The following N4BP2L2 variants were observed in gnomAD, a reference collection of about 807,000 sequenced individuals.
N4BP2L2 encodes NEDD4 binding protein 2 like 2, also known as NEDD4-binding protein 2-like 2.
Under a neutral mutation model 56.2 loss-of-function variants are expected in N4BP2L2, and 50 were observed. The ratio of observed to expected loss-of-function variants is 0.89; its 90% CI spans 0.71 to 1.13. The LOEUF (loss-of-function observed/expected upper bound fraction) is 1.13. Ranked by LOEUF, N4BP2L2 falls within the 50% of genes most tolerant of loss-of-function variation. The pLI is 0.00. For synonymous variants in N4BP2L2, 203 were observed against 223.6 expected (o/e 0.91, Z 0.82); for missense variants, 689 against 693.8 (o/e 0.99, Z 0.08).
intron 2 of N4BP2L2, among the ~76,000 whole-genome samples, chr13:32,530,707 T>C (rs867350157): frequency 5.3e-5 from 8 of 152,146 alleles, no homozygotes; most frequent in Non-Finnish European, 1.0e-4. Context: ...GCAAGTTAGA[T>C]GGTAGTGGGA....
chr13:32,523,992 T>C (rs2051877365), intron 3 of N4BP2L2: 1 of 152,180 alleles, frequency 6.6e-6, no homozygotes, highest in Admixed American at 6.6e-5. Context: ...TGCAAAGATG[T>C]GGAAATTTTC....
intron 6 of N4BP2L2, among the ~76,000 whole-genome samples, chr13:32,462,861 T>TAAAAAAAAAAAAAAAAAA (rs569068082): frequency 2.0e-5 from 1 of 51,092 alleles, no homozygotes; most frequent in African/African-American, 6.1e-5. Context: ...CTGTCTTTAC[T>TAAAAAAAAAAAAAAAAAA]AAAAAAAAAA....
At chr13:32,521,276 G>C in intron 5 of N4BP2L2, 97 bp downstream of exon 5, 1 of 984,422 alleles carries the variant, frequency 1.0e-6, no homozygotes, top group Non-Finnish European at 1.5e-6. Flanking sequence ...TCAGTTTCCT[G>C]AACCTACATT....
intron 6 of N4BP2L2, among the ~76,000 whole-genome samples, chr13:32,487,009 A>G (rs2086032559): frequency 1.3e-5 from 2 of 151,994 alleles, no homozygotes; most frequent in Admixed American, 1.3e-4. Context: ...AAAAACAAGT[A>G]AATAAATAAA....
chr13:32,518,662 AAG>A (rs1450405028), intron 5 of N4BP2L2, among the ~76,000 whole-genome samples: 1 of 152,192 alleles, frequency 6.6e-6, no homozygotes, highest in Non-Finnish European at 1.5e-5. Flanking sequence ...ACTTTAAAAA[AAG>A]AGATTATGAT....
intron 6 of N4BP2L2, among the ~76,000 whole-genome samples, chr13:32,485,604 T>A (rs1409865441): frequency 6.6e-6 from 1 of 152,182 alleles, no homozygotes; most frequent in African/African-American, 2.4e-5. Context: ...AAATGTGATG[T>A]TATCTCAGGA....
intron 6 of N4BP2L2, among the ~76,000 whole-genome samples, chr13:32,496,419 C>T (rs1409488987): frequency 4.6e-5 from 7 of 152,166 alleles, no homozygotes; most frequent in Non-Finnish European, 2.9e-5. Context: ...GACTTGGTTT[C>T]AAATACATAA....
exon 1 of N4BP2L2, chr13:32,538,744 G>C (rs947353199): frequency 2.2e-5 from 22 of 985,434 alleles, no homozygotes; most frequent in Non-Finnish European, 2.7e-5. Context: ...GGGACTAAAA[G>C]CCCACCTCTC....
chr13:32,470,066 T>C (rs562220475), intron 6 of N4BP2L2, among the ~76,000 whole-genome samples: 3 of 152,284 alleles, frequency 2.0e-5, no homozygotes, highest in African/African-American at 7.2e-5. Flanking sequence ...GACCTGTATC[T>C]TTGCACCTTG....
At chr13:32,489,322 T>G (rs2139300036) in intron 6 of N4BP2L2, among the ~76,000 whole-genome samples, 1 of 152,350 alleles carries the variant, frequency 6.6e-6, no homozygotes, top group East Asian at 1.9e-4. Context: ...TTTGACATAA[T>G]AGTGCTTTAA....
intron 4 of N4BP2L2, chr13:32,521,967 C>T: frequency 2.1e-6 from 1 of 469,240 alleles, no homozygotes; most frequent in Admixed American, 4.3e-5. Context: ...CAGAGCGAGA[C>T]TCCGTCTCAA....
chr13:32,472,690 G>T (rs1330732418), intron 6 of N4BP2L2, among the ~76,000 whole-genome samples: 1 of 152,202 alleles, frequency 6.6e-6, no homozygotes, highest in Non-Finnish European at 1.5e-5. Context: ...ACACCCGTGA[G>T]ATGAAGCTAG....
At chr13:32,531,830 G>C (rs919737849) in intron 2 of N4BP2L2, among the ~76,000 whole-genome samples, 1 of 152,178 alleles carries the variant, frequency 6.6e-6, no homozygotes, top group East Asian at 1.9e-4. Context: ...CAGTTTCACT[G>C]AGCTAAAAAC....
chr13:32,437,116 C>T (rs908893113), intron 8 of N4BP2L2, among the ~76,000 whole-genome samples: 1 of 152,022 alleles, frequency 6.6e-6, no homozygotes, highest in African/African-American at 2.4e-5. Flanking sequence ...CTCCTGACCT[C>T]AAGTGATCCA....
chr13:32,536,190 G>A, exon 2 of N4BP2L2: 1 of 1,614,070 alleles, frequency 6.2e-7, no homozygotes, highest in South Asian at 1.1e-5. Flanking sequence ...GGAAGAGGGG[G>A]ACCATAGGGC....
chr13:32,537,946 T>C (rs370029501), intron 1 of N4BP2L2, among the ~76,000 whole-genome samples: 8 of 151,134 alleles, frequency 5.3e-5, no homozygotes, highest in African/African-American at 1.9e-4. Context: ...GGCGCGCACT[T>C]GTGGTCCCAG....
intron 7 of N4BP2L2, among the ~76,000 whole-genome samples, chr13:32,439,854 TCCAAAA>T (rs1208725738): frequency 6.4e-4 from 28 of 43,494 alleles, no homozygotes; most frequent in African/African-American, 1.3e-3. Flanking sequence ...CTATTAAGAA[TCCAAAA>T]AAAAAAAAAA....
downstream of N4BP2L2, chr13:32,505,856 C>G (rs952938697): frequency 6.6e-6 from 1 of 152,204 alleles, no homozygotes; most frequent in Non-Finnish European, 1.5e-5. Context: ...ACCAGAATCA[C>G]CTTCAACATC....
rs528447866 is a variant in N4BP2L2 at position 32,481,005 on chromosome 13, G to C, written c.365+36852C>G. On this transcript the variant is annotated intron_variant, in intron 6 of 9. Coordinates refer to the N4BP2L2 transcript ENST00000357505. Reference sequence around the variant, plus strand: ...ATGGTGGTGCATGCCTTTAACCCCAGCTACTCGGGAGGCTGAGGCCGGAGA... The same window carrying C: ...ATGGTGGTGCATGCCTTTAACCCCACCTACTCGGGAGGCTGAGGCCGGAGA... 1.4e-4 allele frequency among the ~76,000 whole-genome samples: 21 copies of C among 149,888 alleles called. 1 individual carries two copies. The South Asian group carries it at 4.2e-3, about 30-fold the overall frequency.
Sources: gnomAD v4.1 joint callset for allele counts (sites outside exome capture counted in the v4.1 genomes callset) on GRCh38, gnomAD v4.1.1 for gene constraint, MANE v1.5 for transcripts, NCBI Gene and HGNC (gene_info 2026-07-23, HGNC 2026-07-21) for gene names.